The following RAP1GDS1 variants were observed in gnomAD, a reference collection of about 807,000 sequenced individuals.
RAP1GDS1 encodes Rap1 GTPase-GDP dissociation stimulator 1, also known as RAP1, GTP-GDP dissociation stimulator 1.
In RAP1GDS1, 35 loss-of-function variants were observed where a neutral mutation model predicts 71.1. That is an observed-to-expected ratio of 0.49 (90% CI 0.38 to 0.65). RAP1GDS1 has a LOEUF of 0.65. Among genes scored for constraint, RAP1GDS1 ranks in the 30% least tolerant of loss-of-function variants. RAP1GDS1 has a pLI of 0.00. For missense variants in RAP1GDS1, 663 were observed against 706.1 expected, an observed-to-expected ratio of 0.94 and a Z score of 0.69; for synonymous variants, 229 against 243.1, an observed-to-expected ratio of 0.94 and a Z score of 0.54.
At position 98,443,015 on chromosome 4, in the gene RAP1GDS1, A is replaced by ATTTTTTTTTCTTTTTTTTTTTT. The variant is rs543199019; in HGVS notation, c.*907_*908insCTTTTTTTTTTTTTTTTTTTTT. 921 of 137,968 alleles carry ATTTTTTTTTCTTTTTTTTTTTT rather than the reference A, an allele frequency of 6.7e-3. 23 individuals are homozygous for ATTTTTTTTTCTTTTTTTTTTTT. The highest frequency in any genetic ancestry group is 0.016 in the Admixed American group (166 of 10,390). The allele number at this position is 137,968 out of a possible 1,614,324, so 8.5% of individuals were successfully genotyped here. On this transcript the variant is annotated 3_prime_UTR_variant, in exon 15 of 15. Transcript: ENST00000408927. ...TGAGTATAGTTCATTGAAGAATGGA[A>ATTTTTTTTTCTTTTTTTTTTTT]TTTTTTTTTTTTTTTTTTTTTTTGC...
At position 98,443,317 on chromosome 4, in the gene RAP1GDS1, A is replaced by C. The variant is rs1428879131; in HGVS notation, c.*1200A>C. 4.3e-6 allele frequency: 1 copy of C among 231,966 alleles called. No homozygotes were observed. The highest frequency in any genetic ancestry group is 2.2e-5 in the African/African-American group (1 of 45,210). The allele number at this position is 231,966 out of a possible 1,614,324, so 14.4% of individuals were successfully genotyped here. On this transcript the variant is annotated 3_prime_UTR_variant, in exon 15 of 15. Coordinates refer to ENST00000408927, the MANE Select transcript of RAP1GDS1 (RefSeq NM_001100427.2). ...AGAAAGCCAAGACTCAAGAGATGAG[A>C]AGACCCCCTTGGCGAAATATAGTGT...
At chr4:98,387,536 A>T in intron 5 of RAP1GDS1, 1 of 452,316 alleles carries the variant, frequency 2.2e-6, no homozygotes, top group South Asian at 1.6e-5. Flanking sequence ...GCATGCGTTG[A>T]TTGCCTTATA....
chr4:98,316,072 T>C (rs1399389619), intron 2 of RAP1GDS1, among the ~76,000 whole-genome samples: 1 of 152,176 alleles, frequency 6.6e-6, no homozygotes, highest in African/African-American at 2.4e-5. Context: ...CATAATTTAC[T>C]GTTTTAAAAT....
Position 98,313,093 on chromosome 4 carries a change from A to T in RAP1GDS1, c.112+19578A>T, listed in dbSNP as rs944545988. Among the ~76,000 whole-genome samples the T allele has an allele frequency of 3.4e-5, 5 of 148,008 alleles. 1 individual carries two copies. The highest frequency in any genetic ancestry group is 1.2e-4 in the African/African-American group (5 of 40,470). ...CAAAAAAAAAAAAAAAAAAAAAAAA[A>T]AAAAGAAATTGGCTCATGCAATTAT... On this transcript the variant is annotated intron_variant, in intron 2 of 14. Coordinates refer to ENST00000408927, the MANE Select transcript of RAP1GDS1 (RefSeq NM_001100427.2).
chr4:98,265,368 A>C (rs1435335485), intron 1 of RAP1GDS1, among the ~76,000 whole-genome samples: 1 of 152,198 alleles, frequency 6.6e-6, no homozygotes, highest in Admixed American at 6.5e-5. Flanking sequence ...CTATTGCATT[A>C]GACTTTTTGG....
At chr4:98,395,160 A>C (rs1245687844) in intron 6 of RAP1GDS1, among the ~76,000 whole-genome samples, 1 of 152,162 alleles carries the variant, frequency 6.6e-6, no homozygotes, top group Non-Finnish European at 1.5e-5. Flanking sequence ...GAATTCTGAC[A>C]CAAAGCATCT....
chr4:98,376,682 T>G (rs992828680), intron 4 of RAP1GDS1, among the ~76,000 whole-genome samples: 36 of 152,074 alleles, frequency 2.4e-4, no homozygotes, highest in African/African-American at 8.4e-4. Flanking sequence ...TAGTGGTGGT[T>G]AATATTTTTT....
chr4:98,265,609 G>C (rs920544244), intron 1 of RAP1GDS1, among the ~76,000 whole-genome samples: 7 of 152,116 alleles, frequency 4.6e-5, no homozygotes, highest in African/African-American at 9.7e-5. Flanking sequence ...TTTGAAGTTA[G>C]ATCAGAGGAC....
chr4:98,272,254 A>G lies in RAP1GDS1; in HGVS notation c.4+10685A>G, dbSNP rs192673520. Among the ~76,000 whole-genome samples, 15 of 152,334 alleles carry G rather than the reference A, an allele frequency of 9.8e-5. No homozygotes were observed. In the East Asian group the frequency reaches 2.3e-3, roughly 23 times the overall value. ...CGCAAACACATCTTTATTAATCAAA[A>G]TAGGAACATTAAAATCAACACATTT... On this transcript the variant is annotated intron_variant, in intron 1 of 14. Coordinates refer to ENST00000408927, the MANE Select transcript of RAP1GDS1 (RefSeq NM_001100427.2).
chr4:98,310,333 A>G (rs947304271), intron 2 of RAP1GDS1, among the ~76,000 whole-genome samples: 1 of 152,166 alleles, frequency 6.6e-6, no homozygotes, highest in Non-Finnish European at 1.5e-5. Context: ...TCATAGGGGA[A>G]TGTTCAGTGT....
intron 4 of RAP1GDS1, among the ~76,000 whole-genome samples, chr4:98,368,430 A>T (rs1174942957): frequency 1.3e-5 from 2 of 152,194 alleles, no homozygotes; most frequent in Non-Finnish European, 2.9e-5. Context: ...AAAAAGAGAA[A>T]GGAATGGAGA....
intron 2 of RAP1GDS1, among the ~76,000 whole-genome samples, chr4:98,318,135 G>C (rs140761985): frequency 1.3e-5 from 2 of 152,194 alleles, no homozygotes; most frequent in East Asian, 3.9e-4. Flanking sequence ...GAGCCACCGC[G>C]TCCAGTGATA....
At position 98,343,195 on chromosome 4, in the gene RAP1GDS1, C is replaced by T; in HGVS notation, c.169C>T (p.Leu57=). 6.2e-7 allele frequency: 1 copy of T among 1,605,160 alleles called. No individual in the cohort carries two copies. Among genetic ancestry groups the T allele is most frequent in the South Asian group, 1.1e-5 (1 of 90,882 alleles). ...ASGILQLFAS[L]LTPQSSCKAK... ...TGGAATACTTCAGCTGTTTGCAAGT[C>T]TGTTGACTCCACAGTCTTCCTGCAA... The change falls in exon 3 of 15, where the codon CTG becomes TTG. Residue 57 remains leucine, a synonymous_variant. Transcript: ENST00000408927.
chr4:98,356,416 C>CCATCCT (rs1737980829), intron 4 of RAP1GDS1, among the ~76,000 whole-genome samples: 1 of 151,876 alleles, frequency 6.6e-6, no homozygotes, highest in Non-Finnish European at 1.5e-5. Flanking sequence ...TGTTAAATTC[C>CCATCCT]CATCCTGTAT....
Position 98,404,594 on chromosome 4 carries a change from C to T in RAP1GDS1, c.755C>T (p.Ala252Val). The T allele has an allele frequency of 1.3e-6, 2 of 1,597,862 alleles. No individual in the cohort carries two copies. Among genetic ancestry groups the T allele is most frequent in the South Asian group, 1.1e-5 (1 of 86,976 alleles). Reference protein sequence around the residue: ...EMIFEVLAPLAENDAIKLQLV... With the variant: ...EMIFEVLAPLVENDAIKLQLV... ...ATTTTTGAAGTTCTTGCTCCATTGG[C>T]AGAAAATGGTGAGAAACTTAAATGC... Residue 252 changes from alanine to valine, a missense_variant, in exon 7 of 15, where the codon GCA becomes GTA. Ala to Val is a moderately conservative substitution (Grantham distance 64, BLOSUM62 0). Coordinates refer to ENST00000408927, the MANE Select transcript of RAP1GDS1 (RefSeq NM_001100427.2).
intron 5 of RAP1GDS1, among the ~76,000 whole-genome samples, chr4:98,380,082 CAA>C (rs79487127): frequency 2.9e-4 from 32 of 109,616 alleles, no homozygotes; most frequent in Non-Finnish European, 3.3e-4. Flanking sequence ...CTCAATAATT[CAA>C]AAAAAAAAAA....
chr4:98,442,726 TTTC>T lies in RAP1GDS1; in HGVS notation c.*611_*613del. The T allele has an allele frequency of 8.8e-6, 2 of 227,926 alleles. No homozygotes were observed. The highest frequency in any genetic ancestry group is 1.7e-5 in the Non-Finnish European group (2 of 114,574). 14.1% of individuals were successfully genotyped at this position (227,926 alleles called of 1,614,324 possible). ...GAAACTGCCACAAACTTGGCAAGAC[TTTC>T]TGAGGTTTCTGATTCCATATTTAAT... On this transcript the variant is annotated 3_prime_UTR_variant, in exon 15 of 15. Coordinates refer to ENST00000408927, the MANE Select transcript of RAP1GDS1 (RefSeq NM_001100427.2).
At chr4:98,286,060 A>T (rs948385691) in intron 1 of RAP1GDS1, among the ~76,000 whole-genome samples, 3 of 151,564 alleles carry the variant, frequency 2.0e-5, no homozygotes, top group Non-Finnish European at 2.9e-5. Context: ...TGAGCTCAGG[A>T]GGTCGAGACC....
chr4:98,425,062 A>G (rs1749423697), intron 12 of RAP1GDS1, among the ~76,000 whole-genome samples: 1 of 152,216 alleles, frequency 6.6e-6, no homozygotes, highest in Non-Finnish European at 1.5e-5. Context: ...TACAAGCTAG[A>G]AAGGATTGGG....
Sources: allele counts gnomAD v4.1 joint callset (sites outside exome capture counted in the v4.1 genomes callset), GRCh38; gene constraint gnomAD v4.1.1; transcripts MANE v1.5; gene names NCBI Gene and HGNC (gene_info 2026-07-23, HGNC 2026-07-21).